HDAC6: variants seen among roughly 807,000 people sequenced by gnomAD.
The protein encoded by HDAC6 is histone deacetylase 6, also known as protein deacetylase HDAC6.
A neutral mutation model predicts 88.9 loss-of-function variants in HDAC6; 5 were observed. The observed-to-expected ratio is 0.06, with a 90% CI of 0.03 to 0.12. The LOEUF (loss-of-function observed/expected upper bound fraction) is 0.12. HDAC6 is among the 10% of genes least tolerant of loss of function. The pLI is 1.00. For missense variants in HDAC6, 706 were observed against 1,014.4 expected, an observed-to-expected ratio of 0.70 and a Z score of 4.13; for synonymous variants, 378 against 398.0, an observed-to-expected ratio of 0.95 and a Z score of 0.60.
At chrX:48,806,843 C>T in intron 8 of HDAC6, 137 bp downstream of exon 8, 1 of 429,824 alleles carries the variant, frequency 2.3e-6, no homozygotes. Context: ...AAAAATCTGT[C>T]TCCCATCCTT....
chrX:48,803,416 G>T, intron 4 of HDAC6, 200 bp downstream of exon 4: 3 of 422,651 alleles, frequency 7.1e-6, no homozygotes, highest in Non-Finnish European at 1.2e-5. Context: ...AAGAGTTGGT[G>T]ATACAAATGT....
At position 48,820,261 on chromosome X, in the gene HDAC6, T is replaced by A; in HGVS notation, c.2337+6T>A. On this transcript the variant is annotated splice_donor_region_variant and intron_variant, in intron 23 of 28. Coordinates refer to ENST00000334136, the MANE Select transcript of HDAC6 (RefSeq NM_006044.4). ...GCATTATCCTTATCCTAGAGGTAAC[T>A]TTCTCTTGGTCCCTCTTCCCACAGT... The A allele has an allele frequency of 8.6e-7, 1 of 1,169,365 alleles. No individual in the cohort carries two copies. The highest frequency in any genetic ancestry group is 1.1e-6 in the Non-Finnish European group (1 of 872,889).
chrX:48,806,969 T>C, intron 8 of HDAC6: 1 of 230,841 alleles, frequency 4.3e-6, no homozygotes, highest in South Asian at 2.1e-4. Flanking sequence ...GATTCTAAGG[T>C]GTACATTTTT....
rs1557031311 is a variant in HDAC6 at position 48,823,766 on chromosome X, C to T, written c.3284C>T (p.Ser1095Phe). Residue 1095 changes from serine (S) to phenylalanine (F), a missense_variant, in exon 26 of 29, where the codon TCT (serine) becomes TTT (phenylalanine). Ser to Phe is a radical substitution (Grantham distance 155). This residue lies in a region of HDAC6 where 112 missense variants were observed against 95.1 expected (regional missense o/e 1.18). Transcript: ENST00000334136. ...DMADSMLMQGSRGLTDQAIFY... is the reference protein window; with the variant it reads ...DMADSMLMQGFRGLTDQAIFY... Reference sequence around the variant, plus strand: ...GCTGATTCGATGCTGATGCAGGGATCTAGGGGCCTCACTGATCAGGTGAGC... The same window carrying T: ...GCTGATTCGATGCTGATGCAGGGATTTAGGGGCCTCACTGATCAGGTGAGC... 1.7e-6 allele frequency: 2 copies of T among 1,207,249 alleles called. No homozygotes were observed. The highest frequency in any genetic ancestry group is 2.2e-6 in the Non-Finnish European group (2 of 891,804).
rs781865210 is a variant in HDAC6, at chrX:48,805,443, C to T, written c.317C>T (p.Pro106Leu). ...CTGTGACTCCATCTCCCCAGCTTCCCGGAAGGCCCTGAGCGGCTCCATGCC... is the reference window on the plus strand; with the variant it reads ...CTGTGACTCCATCTCCCCAGCTTCCTGGAAGGCCCTGAGCGGCTCCATGCC... ...EFHCLWDDSF[P>L]EGPERLHAIK... Residue 106 changes from proline to leucine, a missense_variant, in exon 5 of 29, where the codon CCG (proline) becomes CTG (leucine). Coordinates refer to ENST00000334136, the MANE Select transcript of HDAC6 (RefSeq NM_006044.4). The T allele has an allele frequency of 1.0e-5, 12 of 1,204,566 alleles. No homozygotes were observed. The East Asian group carries it at 3.0e-4, about 30-fold the overall frequency.
Position 48,823,180 on chromosome X carries a change from A to T in HDAC6, c.2781A>T (p.Ala927=). 8.3e-7 allele frequency: 1 copy of T among 1,207,039 alleles called. No individual in the cohort carries two copies. The highest frequency in any genetic ancestry group is 1.1e-6 in the Non-Finnish European group (1 of 893,237). ...GATLAQTISE[A]AIGGAMLGQT... is the part of the protein sequence containing the mutation. ...CTCTGGCCCAGACCATTTCTGAGGC[A>T]GCCATTGGGGGAGCCATGCTGGGCC... Residue 927 remains alanine (A), a synonymous_variant, in exon 25 of 29, where the codon GCA becomes GCT. Transcript: ENST00000334136.
At position 48,815,961 on chromosome X, in the gene HDAC6, G is replaced by C; in HGVS notation, c.1402G>C (p.Val468Leu). The part of the protein sequence containing the change: ...SEEEGPWEPP[V>L]LPILTWPVLQ... Reference sequence around the variant, plus strand: ...GGAGGAAGGACCCTGGGAGCCCCCTGTGCTCCCAATCCTGACATGGCCAGT... The same window carrying C: ...GGAGGAAGGACCCTGGGAGCCCCCTCTGCTCCCAATCCTGACATGGCCAGT... Residue 468 changes from valine (V) to leucine (L), a missense_variant, in exon 17 of 29, where the codon GTG becomes CTG. Val to Leu is a conservative substitution (Grantham distance 32, BLOSUM62 1). Coordinates refer to ENST00000334136, the MANE Select transcript of HDAC6 (RefSeq NM_006044.4). 8.3e-7 allele frequency: 1 copy of C among 1,211,267 alleles called. No individual in the cohort carries two copies. Among genetic ancestry groups the C allele is most frequent in the East Asian group, 3.0e-5 (1 of 33,812 alleles).
At position 48,823,358 on chromosome X, in the gene HDAC6, G is replaced by A; in HGVS notation, c.2959G>A (p.Gly987Arg). 1 of 1,205,680 alleles carries A rather than the reference G, an allele frequency of 8.3e-7. No individual in the cohort carries two copies. Among genetic ancestry groups the A allele is most frequent in the African/African-American group, 1.7e-5 (1 of 57,785 alleles). The change falls in exon 25 of 29, where the codon GGA (glycine) becomes AGA (arginine). Residue 987 changes from glycine to arginine, a missense_variant. By Grantham distance (125) the Gly-to-Arg change is moderately radical. Coordinates refer to ENST00000334136, the MANE Select transcript of HDAC6 (RefSeq NM_006044.4). ...GACTACCTCAGAGGAGGCTGTAGGA[G>A]GAGCTACACTGGCCCAGACCACCTC... Reference protein sequence around the residue: ...GQTTSEEAVGGATLAQTTSEA... With the variant: ...GQTTSEEAVGRATLAQTTSEA...
chrX:48,801,526 G>A (rs2062726259), upstream of HDAC6: 2 of 194,546 alleles, frequency 1.0e-5, no homozygotes, highest in South Asian at 1.2e-4. Flanking sequence ...GGGACGGAGG[G>A]GCGGCGGCTA....
At chrX:48,821,491 CTTTTTT>C (rs869154128) in intron 23 of HDAC6, among the ~76,000 whole-genome samples, 3 of 77,514 alleles carry the variant, frequency 3.9e-5, no homozygotes, top group Non-Finnish European at 7.4e-5. Flanking sequence ...ATACCTGCCT[CTTTTTT>C]TTTTTTTTTT....
intron 10 of HDAC6, among the ~76,000 whole-genome samples, chrX:48,809,464 AC>A (rs2062866264): frequency 9.0e-6 from 1 of 111,542 alleles, no homozygotes; most frequent in South Asian, 3.7e-4. Flanking sequence ...AATCCGAAAT[AC>A]CCCAATGAGC....
At chrX:48,822,472 G>A (rs782459429) in intron 23 of HDAC6, 148 bp from the exon 24 acceptor site, 4 of 400,436 alleles carry the variant, frequency 1.0e-5, no homozygotes, top group Admixed American at 4.9e-5. Flanking sequence ...TTAAAGGTGT[G>A]GGTTCTGTTC....
chrX:48,814,762 T>G (rs1658358046), intron 12 of HDAC6, 22 bp downstream of exon 12: 1 of 1,208,218 alleles, frequency 8.3e-7, no homozygotes, highest in Admixed American at 2.2e-5. Context: ...CTGGGGTGTG[T>G]TGGGAGGAGG....
At position 48,823,953 on chromosome X, in the gene HDAC6, G is replaced by T; in HGVS notation, c.3335G>T (p.Trp1112Leu). 8.3e-7 allele frequency: 1 copy of T among 1,211,572 alleles called. No homozygotes were observed. Among genetic ancestry groups the T allele is most frequent in the Non-Finnish European group, 1.1e-6 (1 of 895,188 alleles). The change falls in exon 27 of 29, where the codon TGG (tryptophan) becomes TTG (leucine). Residue 1112 changes from tryptophan (W) to leucine (L), a missense_variant. Transcript: ENST00000334136. ...TTTTATGCTGTGACACCACTGCCCTGGTGTCCCCATTTGGTGGCAGTATGC... is the reference window on the plus strand; with the variant it reads ...TTTTATGCTGTGACACCACTGCCCTTGTGTCCCCATTTGGTGGCAGTATGC... ...AIFYAVTPLP[W>L]CPHLVAVCPI...
intron 8 of HDAC6, chrX:48,807,004 C>T: frequency 5.6e-6 from 1 of 178,590 alleles, no homozygotes; most frequent in Non-Finnish European, 1.0e-5. Context: ...TCTTGAAATC[C>T]AGATGCATCT....
At chrX:48,805,096 A>AC (rs1192357472) in intron 4 of HDAC6, among the ~76,000 whole-genome samples, 2 of 111,558 alleles carry the variant, frequency 1.8e-5, no homozygotes, top group Non-Finnish European at 3.8e-5. Flanking sequence ...CATGGGTAAT[A>AC]CTTTGGCTTT....
Position 48,806,619 on chromosome X carries a change from C to G in HDAC6, c.545C>G (p.Ser182Cys). The change falls in exon 8 of 29, where the codon TCC becomes TGC. Residue 182 changes from serine (S) to cysteine (C), a missense_variant. Ser to Cys is a moderately radical substitution (Grantham distance 112, BLOSUM62 -1). Transcript: ENST00000334136. Reference sequence around the variant, plus strand: ...CCACTGTCTCTCCAGAACTCATACTCCTGTGCCTGCCTGGCCTCAGGCTCT... The same window carrying G: ...CCACTGTCTCTCCAGAACTCATACTGCTGTGCCTGCCTGGCCTCAGGCTCT... ...DSVYLHPNSY[S>C]CACLASGSVL... 1 of 1,205,717 alleles carries G rather than the reference C, an allele frequency of 8.3e-7. No homozygotes were observed. Among genetic ancestry groups the G allele is most frequent in the Non-Finnish European group, 1.1e-6 (1 of 890,333 alleles).
chrX:48,807,107 C>A (rs1353062043), intron 8 of HDAC6: 1 of 118,449 alleles, frequency 8.4e-6, no homozygotes, highest in African/African-American at 3.2e-5. Context: ...TCATTGGCAT[C>A]CCAGAACTGA....
chrX:48,817,144 C>T (rs1271408023), intron 19 of HDAC6, 182 bp from the exon 20 acceptor site: 2 of 432,200 alleles, frequency 4.6e-6, no homozygotes, highest in Non-Finnish European at 7.3e-6. Context: ...CCTAGCTACT[C>T]AGGAGGCTGA....
Sources: gnomAD v4.1 joint callset for allele counts (sites outside exome capture counted in the v4.1 genomes callset) on GRCh38, gnomAD v4.1.1 for gene constraint, gnomAD v4.1.1 regional missense constraint, MANE v1.5 for transcripts, NCBI Gene and HGNC (gene_info 2026-07-23, HGNC 2026-07-21) for gene names.